The following ZNF133 variants were observed in gnomAD, a reference collection of about 807,000 sequenced individuals.
ZNF133 encodes the protein zinc finger protein 133 (clone pHZ-13).
In ZNF133, 26 loss-of-function variants were observed where a neutral mutation model predicts 54.9. That is an observed-to-expected ratio of 0.47 (90% CI 0.35 to 0.66). The LOEUF is 0.66. Ranked by LOEUF, ZNF133 falls within the 30% of genes least tolerant of loss-of-function variation. The pLI is 0.01. For missense variants in ZNF133, 653 were observed against 820.8 expected, an observed-to-expected ratio of 0.80 and a Z score of 2.50; for synonymous variants, 298 against 320.3, an observed-to-expected ratio of 0.93 and a Z score of 0.74.
intron 3 of ZNF133, among the ~76,000 whole-genome samples, chr20:18,301,591 G>C (rs1373111723): frequency 6.6e-6 from 1 of 152,182 alleles, no homozygotes; most frequent in African/African-American, 2.4e-5. Flanking sequence ...CATTACTATT[G>C]TTTCTACAGA....
At chr20:18,293,799 T>C (rs567265596) in intron 1 of ZNF133, among the ~76,000 whole-genome samples, 6 of 151,910 alleles carry the variant, frequency 3.9e-5, no homozygotes, top group Non-Finnish European at 8.8e-5. Context: ...GTGATACTAT[T>C]GTATTATAAC....
chr20:18,297,891 G>A (rs530681420), intron 1 of ZNF133, 94 bp from the exon 2 acceptor site: 74 of 728,792 alleles, frequency 1.0e-4, no homozygotes, highest in Non-Finnish European at 1.4e-4. Context: ...ATGCCACTGC[G>A]CCCCCAGTTG....
intron 1 of ZNF133, among the ~76,000 whole-genome samples, chr20:18,294,659 T>A (rs2041857666): frequency 6.6e-6 from 1 of 152,160 alleles, no homozygotes; most frequent in Non-Finnish European, 1.5e-5. Flanking sequence ...ATTCTTGAGT[T>A]TTTGTTTTGT....
rs1386618852 is a variant in ZNF133, at chr20:18,316,198, C to G, written c.1347C>G (p.Leu449=). 1 of 1,606,752 alleles carries G rather than the reference C, an allele frequency of 6.2e-7. No homozygotes were observed. Residue 449 remains leucine, a synonymous_variant, in exon 7 of 7, where the codon CTC becomes CTG. Coordinates refer to ENST00000425686, the MANE Select transcript of ZNF133 (RefSeq NM_001352452.2). ...VCGVCGRGFS[L]KSHLNRHQNI... ...GGGTGTGTGGGCGAGGCTTTAGTCT[C>G]AAGTCACACCTCAACAGACACCAGA...
intron 1 of ZNF133, among the ~76,000 whole-genome samples, chr20:18,290,718 TCTC>T (rs1233115189): frequency 6.6e-6 from 1 of 152,150 alleles, no homozygotes; most frequent in Admixed American, 6.5e-5. Context: ...CTGCCTCATT[TCTC>T]CTCCTATTTC....
chr20:18,298,254 A>G, intron 2 of ZNF133, 35 bp from the exon 3 acceptor site: 2 of 1,444,256 alleles, frequency 1.4e-6, no homozygotes, highest in Non-Finnish European at 1.8e-6. Flanking sequence ...ACACAATTCT[A>G]CAGTATGAGA....
rs781333784 is a variant in ZNF133, at chr20:18,298,334, G to A, written c.-308G>A. Reference sequence around the variant, plus strand: ...GAGAGTAACGTCACAGTAATGGAACGGGAAGATTCTGGAATCTGTGTCCCC... The same window carrying A: ...GAGAGTAACGTCACAGTAATGGAACAGGAAGATTCTGGAATCTGTGTCCCC... On this transcript the variant is annotated 5_prime_UTR_variant, in exon 3 of 7. Coordinates refer to ENST00000425686, the MANE Select transcript of ZNF133 (RefSeq NM_001352452.2). 1.1e-5 allele frequency: 14 copies of A among 1,297,310 alleles called. No individual in the cohort carries two copies. The highest frequency in any genetic ancestry group is 7.2e-5 in the Admixed American group (2 of 27,862). 80.4% of individuals were successfully genotyped at this position (1,297,310 alleles called of 1,614,324 possible).
At chr20:18,303,915 G>T (rs1402449115) in intron 3 of ZNF133, among the ~76,000 whole-genome samples, 1 of 152,034 alleles carries the variant, frequency 6.6e-6, no homozygotes, top group Non-Finnish European at 1.5e-5. Flanking sequence ...CCAAAACATA[G>T]GCAATAAAAG....
chr20:18,313,417 C>G (rs1240588021), intron 6 of ZNF133: 1 of 152,162 alleles, frequency 6.6e-6, no homozygotes, highest in South Asian at 2.1e-4. Flanking sequence ...TATCAGAAGC[C>G]TTGGTTCTTA....
chr20:18,292,767 G>A (rs2041336241), intron 1 of ZNF133, among the ~76,000 whole-genome samples: 1 of 152,162 alleles, frequency 6.6e-6, no homozygotes, highest in Non-Finnish European at 1.5e-5. Flanking sequence ...TGTATCCCCA[G>A]GGTTTAAAAT....
chr20:18,293,403 C>T (rs2041515940), intron 1 of ZNF133, among the ~76,000 whole-genome samples: 1 of 152,200 alleles, frequency 6.6e-6, no homozygotes, highest in Non-Finnish European at 1.5e-5. Flanking sequence ...CTCACTCTCT[C>T]CAGGTAGTGT....
chr20:18,304,931 C>T lies in ZNF133; in HGVS notation c.-177-77C>T, dbSNP rs745641523. 9.5e-4 allele frequency: 851 copies of T among 899,672 alleles called. 2 individuals carry two copies. The highest frequency in any genetic ancestry group is 1.1e-3 in the Non-Finnish European group (803 of 752,122). 55.7% of individuals were successfully genotyped at this position (899,672 alleles called of 1,614,324 possible). ...CTGTAGTTCCTAGCACTTTCTTCTT[C>T]CCTTGATTCCAACCCATTCTCCAAG... On this transcript the variant is annotated intron_variant, in intron 3 of 6. Transcript: ENST00000425686.
intron 3 of ZNF133, among the ~76,000 whole-genome samples, chr20:18,304,688 T>C (rs2044210745): frequency 6.6e-6 from 1 of 152,130 alleles, no homozygotes; most frequent in South Asian, 2.1e-4. Context: ...ACATATATAA[T>C]GGAGACAGAA....
intron 6 of ZNF133, among the ~76,000 whole-genome samples, chr20:18,308,498 T>C (rs770929791): frequency 6.6e-6 from 1 of 152,236 alleles, no homozygotes; most frequent in Non-Finnish European, 1.5e-5. Context: ...CTATTAGGTA[T>C]AGAAAGGTTC....
intron 3 of ZNF133, among the ~76,000 whole-genome samples, chr20:18,302,587 A>T (rs953715561): frequency 3.3e-5 from 5 of 152,222 alleles, no homozygotes; most frequent in African/African-American, 9.6e-5. Context: ...CTCACAGCTA[A>T]CATACTCCAT....
Position 18,315,979 on chromosome 20 carries a change from C to G in ZNF133, c.1128C>G (p.His376Gln). 6.2e-7 allele frequency: 1 copy of G among 1,614,180 alleles called. No individual in the cohort carries two copies. Among genetic ancestry groups the G allele is most frequent in the Non-Finnish European group, 8.5e-7 (1 of 1,180,046 alleles). Residue 376 changes from histidine to glutamine, a missense_variant, in exon 7 of 7, where the codon CAC becomes CAG. His to Gln is a conservative substitution (Grantham distance 24). Transcript: ENST00000425686. ...RSNLISHQRTHSGEKPYACKE... is the reference protein window; with the variant it reads ...RSNLISHQRTQSGEKPYACKE... ...ACCTCATCTCCCACCAGAGGACGCACTCTGGGGAGAAGCCCTACGCCTGCA... is the reference window on the plus strand; with the variant it reads ...ACCTCATCTCCCACCAGAGGACGCAGTCTGGGGAGAAGCCCTACGCCTGCA...
intron 3 of ZNF133, among the ~76,000 whole-genome samples, chr20:18,301,549 C>G (rs1316508906): frequency 2.0e-5 from 3 of 152,082 alleles, no homozygotes; most frequent in Non-Finnish European, 4.4e-5. Flanking sequence ...TAAGAAAACT[C>G]AAATTACTAA....
At chr20:18,303,243 C>T (rs956980726) in intron 3 of ZNF133, among the ~76,000 whole-genome samples, 14 of 152,016 alleles carry the variant, frequency 9.2e-5, no homozygotes, top group East Asian at 5.8e-4. Context: ...AACGGGGTTT[C>T]GCCATGTTGG....
chr20:18,316,561 G>A lies in ZNF133; in HGVS notation c.1710G>A (p.Arg570=), dbSNP rs748544558. The change falls in exon 7 of 7, where the codon CGG becomes CGA. Residue 570 remains arginine (R), a synonymous_variant. Transcript: ENST00000425686. ...AGTCAGCTCTAATTACACACAAGCG[G>A]GCTCACTCGGAAGAGAAGCCTTGTG... is the stretch of plus-strand genomic sequence containing the variant. ...GNKSALITHK[R]AHSEEKPCVC... is the part of the protein sequence containing the mutation. 4.3e-6 allele frequency: 7 copies of A among 1,614,008 alleles called. No homozygotes were observed. In the African/African-American group the frequency reaches 6.7e-5, roughly 15 times the overall value.
Sources: allele counts gnomAD v4.1 joint callset (sites outside exome capture counted in the v4.1 genomes callset), GRCh38; gene constraint gnomAD v4.1.1; transcripts MANE v1.5; gene names NCBI Gene and HGNC (gene_info 2026-07-23, HGNC 2026-07-21).